The following ARB2A variants were observed in gnomAD, a reference collection of about 807,000 sequenced individuals.
ARB2A encodes ARB2 cotranscriptional regulator A, also known as cotranscriptional regulator ARB2A.
At chr5:93,657,983 C>A in the ARB2A span, among the ~76,000 whole-genome samples, 2 of 152,178 alleles carry the variant, frequency 1.3e-5, no homozygotes, top group South Asian at 4.1e-4. Context: ...ATTTTTGATA[C>A]TTTTTTTGTA....
At chr5:93,730,893 A>G in the ARB2A span, among the ~76,000 whole-genome samples, 1 of 152,204 alleles carries the variant, frequency 6.6e-6, no homozygotes, top group Non-Finnish European at 1.5e-5. Flanking sequence ...GTAATTCTTC[A>G]GCCCAGAAGG....
chr5:93,888,013 C>T, the ARB2A span, among the ~76,000 whole-genome samples: 1 of 151,818 alleles, frequency 6.6e-6, no homozygotes. Context: ...AACACACACC[C>T]TTGTCTCCAG....
At chr5:94,030,217 T>C in the ARB2A span, among the ~76,000 whole-genome samples, 1 of 152,248 alleles carries the variant, frequency 6.6e-6, no homozygotes, top group Non-Finnish European at 1.5e-5. Flanking sequence ...CAACACAATT[T>C]AGCTTCTCAC....
chr5:93,743,823 C>T, the ARB2A span, among the ~76,000 whole-genome samples: 1 of 151,978 alleles, frequency 6.6e-6, no homozygotes, highest in Non-Finnish European at 1.5e-5. Context: ...CCTGCCACCA[C>T]GCCTGGCTAA....
At chr5:93,743,798 C>T in the ARB2A span, among the ~76,000 whole-genome samples, 3 of 151,872 alleles carry the variant, frequency 2.0e-5, no homozygotes, top group African/African-American at 7.3e-5. Context: ...TCCTGAGTAG[C>T]TGGGATTACA....
chr5:94,100,573 C>T, the ARB2A span, among the ~76,000 whole-genome samples: 3 of 152,056 alleles, frequency 2.0e-5, no homozygotes, highest in Admixed American at 6.6e-5. Context: ...CACCATAGTA[C>T]GAGTACAAAA....
the ARB2A span, among the ~76,000 whole-genome samples, chr5:94,016,961 A>G: frequency 1.3e-5 from 2 of 152,196 alleles, no homozygotes; most frequent in East Asian, 3.9e-4. Context: ...ATGCAGCATT[A>G]TTGAACGGTA....
At chr5:93,652,614 A>T in the ARB2A span, among the ~76,000 whole-genome samples, 2 of 152,236 alleles carry the variant, frequency 1.3e-5, no homozygotes, top group Non-Finnish European at 2.9e-5. Context: ...GTCAGATGGT[A>T]TATAACTGGT....
the ARB2A span, among the ~76,000 whole-genome samples, chr5:93,970,143 T>C: frequency 6.6e-6 from 1 of 152,046 alleles, no homozygotes; most frequent in African/African-American, 2.4e-5. Flanking sequence ...ACAACTTTAT[T>C]AACTACATAA....
At chr5:93,913,647 T>C in the ARB2A span, among the ~76,000 whole-genome samples, 113 of 152,122 alleles carry the variant, frequency 7.4e-4, no homozygotes, top group Non-Finnish European at 1.3e-3. Flanking sequence ...AACTCTCAAA[T>C]AGCAGACTAA....
At chr5:93,914,420 G>A in the ARB2A span, among the ~76,000 whole-genome samples, 1 of 151,934 alleles carries the variant, frequency 6.6e-6, no homozygotes, top group Admixed American at 6.6e-5. Flanking sequence ...CAGTTAAAAT[G>A]TGAAATATGG....
At chr5:93,896,771 C>T in the ARB2A span, among the ~76,000 whole-genome samples, 1 of 151,960 alleles carries the variant, frequency 6.6e-6, no homozygotes, top group Non-Finnish European at 1.5e-5. Flanking sequence ...GTTCCCAATA[C>T]AAAATGACAC....
chr5:93,994,688 T>C, the ARB2A span, among the ~76,000 whole-genome samples: 1 of 151,348 alleles, frequency 6.6e-6, no homozygotes, highest in Non-Finnish European at 1.5e-5. Context: ...GCCTAAGACA[T>C]ATAAAAAAAA....
At chr5:93,863,080 G>C in the ARB2A span, 1 of 151,928 alleles carries the variant, frequency 6.6e-6, no homozygotes. Context: ...CTTGCCTCGT[G>C]GGCTCTAGCT....
the ARB2A span, among the ~76,000 whole-genome samples, chr5:93,641,093 G>A: frequency 2.0e-5 from 3 of 151,756 alleles, no homozygotes; most frequent in Non-Finnish European, 4.4e-5. Context: ...CCAGCTACTC[G>A]GGAGGCTGAG....
At chr5:94,068,387 C>T in the ARB2A span, among the ~76,000 whole-genome samples, 4 of 152,130 alleles carry the variant, frequency 2.6e-5, no homozygotes, top group African/African-American at 7.2e-5. Flanking sequence ...GGCAGGTCTG[C>T]GAAGGTGGCA....
chr5:93,819,935 A>G, the ARB2A span, among the ~76,000 whole-genome samples: 1 of 152,348 alleles, frequency 6.6e-6, no homozygotes, highest in Non-Finnish European at 1.5e-5. Flanking sequence ...TGAGGTGCCA[A>G]TCAAGTGCTG....
chr5:93,621,866 A>C, the ARB2A span, among the ~76,000 whole-genome samples: 1 of 152,216 alleles, frequency 6.6e-6, no homozygotes, highest in Non-Finnish European at 1.5e-5. Context: ...GCTAAAAAAA[A>C]GGTTTCAAAG....
the ARB2A span, chr5:93,741,499 C>G: frequency 1.9e-6 from 3 of 1,611,858 alleles, no homozygotes; most frequent in Non-Finnish European, 8.5e-7. Context: ...CATCGGCCCT[C>G]TGGGGCCGCC....
Sources: gnomAD v4.1 joint callset for allele counts (sites outside exome capture counted in the v4.1 genomes callset) on GRCh38, gnomAD v4.1.1 for gene constraint, MANE v1.5 for transcripts, NCBI Gene and HGNC (gene_info 2026-07-23, HGNC 2026-07-21) for gene names.